Variants in PITPNM2 observed in about 807,000 individuals in gnomAD.
PITPNM2 encodes the protein phosphatidylinositol transfer protein membrane associated 2.
In PITPNM2, 35 loss-of-function variants were observed where a neutral mutation model predicts 132.2. That is an observed-to-expected ratio of 0.26 (90% CI 0.20 to 0.35). The LOEUF is 0.35. Ranked by LOEUF, PITPNM2 falls within the 10% of genes least tolerant of loss-of-function variation. The pLI is 1.00. For missense variants in PITPNM2, 1,332 were observed against 1,912.0 expected (o/e 0.70, Z 5.66); for synonymous variants, 738 against 799.2 (o/e 0.92, Z 1.29).
chr12:123,146,818 A>G (rs1041471773), intron 1 of PITPNM2, among the ~76,000 whole-genome samples: 1 of 152,092 alleles, frequency 6.6e-6, no homozygotes, highest in Non-Finnish European at 1.5e-5. Flanking sequence ...TTTAAAAAAG[A>G]GCATTAAACC....
Position 123,151,053 on chromosome 12 carries a change from G to T in PITPNM2, c.-500C>A, listed in dbSNP as rs1339376158. 6.9e-6 allele frequency among the ~76,000 whole-genome samples: 1 copy of T among 145,534 alleles called. No homozygotes were observed. Among genetic ancestry groups the T allele is most frequent in the Non-Finnish European group, 1.5e-5 (1 of 65,548 alleles). On this transcript the variant is annotated 5_prime_UTR_variant, in exon 1 of 26. Transcript: ENST00000320201. ...GGCCGGCTGGACAGCTCTACGCCGC[G>T]GCGCCGCGGTGCCCCGCGCACCCCA...
At chr12:123,088,391 A>G (rs1406946110) in intron 2 of PITPNM2, 1 of 152,076 alleles carries the variant, frequency 6.6e-6, no homozygotes, top group African/African-American at 2.4e-5. Flanking sequence ...ACCAAAGAGC[A>G]TATTTTAGGA....
intron 2 of PITPNM2, among the ~76,000 whole-genome samples, chr12:123,044,338 C>A (rs1264571381): frequency 1.3e-5 from 2 of 152,322 alleles, no homozygotes; most frequent in Non-Finnish European, 2.9e-5. Flanking sequence ...TTAGAAATGG[C>A]CAGTCCTTTA....
intron 1 of PITPNM2, among the ~76,000 whole-genome samples, chr12:123,122,284 GA>G (rs1237825433): frequency 6.6e-6 from 1 of 152,104 alleles, no homozygotes; most frequent in African/African-American, 2.4e-5. Flanking sequence ...CCAACATGGT[GA>G]AACCCCGTCC....
chr12:122,989,923 G>C lies in PITPNM2; in HGVS notation c.2595C>G (p.Thr865=). Residue 865 remains threonine, a synonymous_variant, in exon 18 of 26, where the codon ACC becomes ACG. Coordinates refer to ENST00000320201, the MANE Select transcript of PITPNM2 (RefSeq NM_020845.3). ...AQKAPDALSH[T]PSVRRLSLLA... The stretch of plus-strand genomic sequence containing the variant: ...GCAGGGACAGACGCCTGACGCTGGG[G>C]GTATGGCTGAGCGCATCGGGGGCCT... The C allele has an allele frequency of 7.6e-7, 1 of 1,320,142 alleles. No individual in the cohort carries two copies. The allele number at this position is 1,320,142 out of a possible 1,614,324, so 81.8% of individuals were successfully genotyped here.
At chr12:123,045,094 C>T (rs1482541102) in intron 2 of PITPNM2, among the ~76,000 whole-genome samples, 1 of 152,246 alleles carries the variant, frequency 6.6e-6, no homozygotes, top group East Asian at 1.9e-4. Context: ...GCCCTCTTGT[C>T]ATTCAGGGAC....
chr12:123,059,612 T>TCC (rs2041166792), intron 2 of PITPNM2, among the ~76,000 whole-genome samples: 1 of 152,200 alleles, frequency 6.6e-6, no homozygotes, highest in Non-Finnish European at 1.5e-5. Flanking sequence ...AGCTGGGAGC[T>TCC]CCACCCAGGC....
intron 2 of PITPNM2, among the ~76,000 whole-genome samples, chr12:123,063,059 T>C (rs1269798639): frequency 1.3e-5 from 2 of 152,252 alleles, no homozygotes; most frequent in East Asian, 1.9e-4. Flanking sequence ...TGCGGGCACA[T>C]AGGTCCACAA....
intron 1 of PITPNM2, among the ~76,000 whole-genome samples, chr12:123,143,436 C>G (rs1169167077): frequency 2.6e-5 from 4 of 152,214 alleles, no homozygotes; most frequent in Non-Finnish European, 5.9e-5. Flanking sequence ...GGGAAATAAA[C>G]AGCTCTGCAG....
chr12:123,027,139 C>T (rs948206217), intron 3 of PITPNM2, among the ~76,000 whole-genome samples: 1 of 152,030 alleles, frequency 6.6e-6, no homozygotes, highest in Non-Finnish European at 1.5e-5. Context: ...CCTCATCTCT[C>T]GGTGGGGCAG....
chr12:123,151,115 G>T (rs2137772509), upstream of PITPNM2, among the ~76,000 whole-genome samples: 1 of 146,442 alleles, frequency 6.8e-6, no homozygotes, highest in East Asian at 2.0e-4. Flanking sequence ...GGCCGGGCTC[G>T]CATTCCCTCA....
In PITPNM2 at chr12:123,008,225, C is replaced by T. The variant is rs1212577541; in HGVS notation, c.643+1625G>A. Among the ~76,000 whole-genome samples the T allele has an allele frequency of 6.6e-6, 1 of 152,180 alleles. No individual in the cohort carries two copies. Among genetic ancestry groups the T allele is most frequent in the Non-Finnish European group, 1.5e-5 (1 of 68,042 alleles). ...TCAGGGAGCTGGGGAGTCTCTGCAG[C>T]TTGGCCAGGATCTCAGCTGCTGGGT... On this transcript the variant is annotated intron_variant, in intron 6 of 25. Transcript: ENST00000320201. The surrounding 1 kb of genome is among the most constrained non-coding windows in gnomAD (Gnocchi z 4.1).
Position 123,004,290 on chromosome 12 carries a change from C to T in PITPNM2, c.1048+104G>A, listed in dbSNP as rs1232792148. On this transcript the variant is annotated intron_variant, in intron 8 of 25. Transcript: ENST00000320201. The surrounding 1 kb of genome is among the most constrained non-coding windows in gnomAD (Gnocchi z 4.9). ...ATAGGGACTGGATATAGAATAGTAACAGGCAACACCCGCATCAGTCCACAC... is the reference window on the plus strand; with the variant it reads ...ATAGGGACTGGATATAGAATAGTAATAGGCAACACCCGCATCAGTCCACAC... The T allele has an allele frequency of 2.8e-6, 3 of 1,058,268 alleles. No homozygotes were observed. Among genetic ancestry groups the T allele is most frequent in the Non-Finnish European group, 4.3e-6 (3 of 701,370 alleles). The allele number at this position is 1,058,268 out of a possible 1,614,324, so 65.6% of individuals were successfully genotyped here.
At chr12:123,046,296 T>G (rs2040654675) in intron 2 of PITPNM2, among the ~76,000 whole-genome samples, 1 of 152,140 alleles carries the variant, frequency 6.6e-6, no homozygotes, top group Non-Finnish European at 1.5e-5. Flanking sequence ...CAGGCACACT[T>G]GGCAACCAGA....
At chr12:123,109,035 G>A (rs576138514) in intron 2 of PITPNM2, among the ~76,000 whole-genome samples, 5 of 152,258 alleles carry the variant, frequency 3.3e-5, no homozygotes, top group African/African-American at 7.2e-5. Context: ...TCTGAGCCTC[G>A]GCTTCCTGTG....
chr12:123,126,296 C>T (rs894975341), intron 1 of PITPNM2, among the ~76,000 whole-genome samples: 7 of 152,116 alleles, frequency 4.6e-5, no homozygotes, highest in African/African-American at 1.4e-4. Context: ...TGATGCATAT[C>T]CTTGGGTAAG....
Position 123,012,707 on chromosome 12 carries a change from G to T in PITPNM2, c.321C>A (p.Phe107Leu). The T allele has an allele frequency of 6.2e-7, 1 of 1,614,132 alleles. No individual in the cohort carries two copies. Among genetic ancestry groups the T allele is most frequent in the Non-Finnish European group, 8.5e-7 (1 of 1,179,982 alleles). ...TRFTCPFVEK[F>L]SIDIETFYKT... ...TATAAAAGGTTTCAATGTCGATGGA[G>T]AATTTCTCCACGAAAGGACAGGTGA... is the stretch of plus-strand genomic sequence containing the variant. Residue 107 changes from phenylalanine (F) to leucine (L), a missense_variant, in exon 5 of 26, where the codon TTC becomes TTA. Physicochemically the swap from Phe to Leu is conservative, Grantham distance 22. Coordinates refer to ENST00000320201, the MANE Select transcript of PITPNM2 (RefSeq NM_020845.3).
chr12:123,005,682 CCTGT>C lies in PITPNM2; in HGVS notation c.644-138_644-135del, dbSNP rs1305461424. ...GTTGCAGGTCAAACTAAAGTCACTG[CCTGT>C]CTGTGCCTCAGTTTCCCCATTTGTA... On this transcript the variant is annotated intron_variant, in intron 6 of 25. Transcript: ENST00000320201. This position sits in a 1 kb window ranked among gnomAD's most constrained non-coding sequence, Gnocchi z 6.2. 3.9e-6 allele frequency: 3 copies of C among 770,462 alleles called. No individual in the cohort carries two copies. The highest frequency in any genetic ancestry group is 6.3e-6 in the Non-Finnish European group (3 of 479,108). 47.7% of individuals were successfully genotyped at this position (770,462 alleles called of 1,614,324 possible). A position where few individuals can be genotyped will look rare whatever the true frequency, so the allele number is the denominator to read the frequency against.
intron 1 of PITPNM2, among the ~76,000 whole-genome samples, chr12:123,137,151 T>C (rs866965318): frequency 2.9e-4 from 44 of 152,300 alleles, no homozygotes; most frequent in African/African-American, 9.6e-4. Flanking sequence ...TGGATTCATT[T>C]CCTGGAGCAC....
Sources: gnomAD v4.1 joint callset for allele counts (sites outside exome capture counted in the v4.1 genomes callset) on GRCh38, gnomAD v4.1.1 for gene constraint, Gnocchi (gnomAD v3.1) non-coding constraint, MANE v1.5 for transcripts, NCBI Gene and HGNC (gene_info 2026-07-23, HGNC 2026-07-21) for gene names.